DCAF7: variants seen among roughly 807,000 people sequenced by gnomAD.
DCAF7 encodes the protein DDB1- and CUL4-associated factor 7.
A neutral mutation model predicts 41.2 loss-of-function variants in DCAF7; 4 were observed. The ratio of observed to expected loss-of-function variants is 0.10; its 90% CI spans 0.05 to 0.22. DCAF7 has a LOEUF of 0.22. DCAF7 is among the 10% of genes least tolerant of loss of function. The pLI, the probability that DCAF7 is intolerant of heterozygous loss-of-function variation, is 1.00. For missense variants in DCAF7, 131 were observed against 443.2 expected (o/e 0.30, Z 6.32); for synonymous variants, 143 against 164.2 (o/e 0.87, Z 0.99).
intron 1 of DCAF7, among the ~76,000 whole-genome samples, chr17:63,552,919 C>G (rs1256879088): frequency 6.6e-6 from 1 of 152,234 alleles, no homozygotes; most frequent in African/African-American, 2.4e-5. Flanking sequence ...TAGCAGTTAA[C>G]TATATCTTAA....
rs898282890 is a variant in DCAF7, at chr17:63,594,195, T to C, written c.*5023T>C. ...AAACCTAATTTTCACCCTTTCATTC[T>C]GTTTCAGCCTCCTGTATAAGAAGTA... On this transcript the variant is annotated 3_prime_UTR_variant, in exon 7 of 7. Coordinates refer to ENST00000614556, the MANE Select transcript of DCAF7 (RefSeq NM_005828.5). 6.6e-6 allele frequency: 1 copy of C among 152,662 alleles called. No homozygotes were observed. The highest frequency in any genetic ancestry group is 2.4e-5 in the African/African-American group (1 of 41,476). 9.5% of individuals were successfully genotyped at this position (152,662 alleles called of 1,614,324 possible). A position where few individuals can be genotyped will look rare whatever the true frequency, so the allele number is the denominator to read the frequency against.
chr17:63,554,273 C>G (rs1301057857), intron 1 of DCAF7, among the ~76,000 whole-genome samples: 2 of 152,200 alleles, frequency 1.3e-5, no homozygotes, highest in Non-Finnish European at 2.9e-5. Flanking sequence ...AGGGATACAG[C>G]AAGATTGGTG....
chr17:63,588,296 T>C (rs1208559589), intron 6 of DCAF7, among the ~76,000 whole-genome samples: 2 of 150,600 alleles, frequency 1.3e-5, no homozygotes, highest in East Asian at 3.9e-4. Flanking sequence ...AAAGCGATTC[T>C]CCTGCCTCAG....
intron 1 of DCAF7, chr17:63,573,275 A>G (rs1326187874): frequency 6.6e-6 from 1 of 152,174 alleles, no homozygotes. Flanking sequence ...TTTCCATGTC[A>G]TCCTTGTGCA....
At position 63,583,576 on chromosome 17, in the gene DCAF7, G is replaced by A; in HGVS notation, c.603G>A (p.Val201=). The stretch of plus-strand genomic sequence containing the variant: ...CCTCTGTGGGTGCTGATGGCTCGGT[G>A]CGGATGTTTGACCTCCGCCATCTAG... ...MFASVGADGS[V]RMFDLRHLEH... is the part of the protein sequence containing the mutation. Residue 201 remains valine, a synonymous_variant, in exon 5 of 7, where the codon GTG becomes GTA. Coordinates refer to ENST00000614556, the MANE Select transcript of DCAF7 (RefSeq NM_005828.5). 1 of 1,613,902 alleles carries A rather than the reference G, an allele frequency of 6.2e-7. No homozygotes were observed. The highest frequency in any genetic ancestry group is 1.1e-5 in the South Asian group (1 of 91,066).
At chr17:63,563,963 T>G (rs956645394) in intron 1 of DCAF7, among the ~76,000 whole-genome samples, 15 of 152,208 alleles carry the variant, frequency 9.9e-5, no homozygotes, top group African/African-American at 3.1e-4. Flanking sequence ...TGTCCATTAT[T>G]TTGTCAAATT....
At chr17:63,554,815 ATG>A (rs577446619) in intron 1 of DCAF7, among the ~76,000 whole-genome samples, 1 of 152,230 alleles carries the variant, frequency 6.6e-6, no homozygotes, top group Non-Finnish European at 1.5e-5. Flanking sequence ...AGAGAATTAT[ATG>A]GCTGTTTAGT....
At chr17:63,557,204 A>G (rs550936985) in intron 1 of DCAF7, among the ~76,000 whole-genome samples, 1 of 152,342 alleles carries the variant, frequency 6.6e-6, no homozygotes, top group African/African-American at 2.4e-5. Context: ...AAAGAACTTA[A>G]GAAAATACAG....
At chr17:63,579,783 A>G (rs745788490) in intron 3 of DCAF7, 42 bp from the exon 4 acceptor site, 12 of 1,521,304 alleles carry the variant, frequency 7.9e-6, no homozygotes, top group Non-Finnish European at 1.0e-5. Flanking sequence ...TTGCATGAGA[A>G]CCTTGGTCCC....
chr17:63,552,907 A>C (rs73332064), intron 1 of DCAF7, among the ~76,000 whole-genome samples: 1,816 of 152,354 alleles, frequency 0.012, 36 homozygotes, highest in African/African-American at 0.042. Context: ...TATCAACAGC[A>C]TTAGCAGTTA....
rs1394150349 is a variant in DCAF7 at position 63,550,725 on chromosome 17, C to G, written c.48C>G (p.Pro16=). Residue 16 remains proline, a synonymous_variant, in exon 1 of 7, where the codon CCC becomes CCG. Coordinates refer to ENST00000614556, the MANE Select transcript of DCAF7 (RefSeq NM_005828.5). The surrounding 1 kb of genome is among the most constrained non-coding windows in gnomAD (Gnocchi z 4.8). ...AGGAGATCTACAAGTATGAAGCGCC[C>G]TGGACAGTCTACGCGATGAACTGGA... is the stretch of plus-strand genomic sequence containing the variant. The part of the protein sequence containing the change: ...KRKEIYKYEA[P]WTVYAMNWSV... 1.2e-6 allele frequency: 2 copies of G among 1,613,934 alleles called. No homozygotes were observed. The highest frequency in any genetic ancestry group is 1.7e-6 in the Non-Finnish European group (2 of 1,179,840).
chr17:63,587,583 C>T (rs1207100961), intron 6 of DCAF7, among the ~76,000 whole-genome samples: 1 of 152,104 alleles, frequency 6.6e-6, no homozygotes, highest in East Asian at 1.9e-4. Flanking sequence ...AGGTGCAATT[C>T]CCTGACCTCT....
rs1472443433 is a variant in DCAF7, at chr17:63,592,283, T to TA, written c.*3112dup. 6.6e-6 allele frequency: 1 copy of TA among 152,082 alleles called. No homozygotes were observed. The highest frequency in any genetic ancestry group is 1.5e-5 in the Non-Finnish European group (1 of 68,074). 9.4% of individuals were successfully genotyped at this position (152,082 alleles called of 1,614,324 possible). A position where few individuals can be genotyped will look rare whatever the true frequency, so the allele number is the denominator to read the frequency against. On this transcript the variant is annotated 3_prime_UTR_variant, in exon 7 of 7. Transcript: ENST00000614556. ...AGCCGGGGGTGGTGGCGGGTACCTG[T>TA]AGTCCTAGCTACTTGGGAGGCTGAG...
intron 6 of DCAF7, among the ~76,000 whole-genome samples, chr17:63,587,164 A>T (rs1264767775): frequency 2.0e-5 from 3 of 151,846 alleles, no homozygotes; most frequent in Non-Finnish European, 4.4e-5. Flanking sequence ...GAAGCAATGT[A>T]CTCTGGTGTT....
chr17:63,570,913 C>T (rs185778085), intron 1 of DCAF7, among the ~76,000 whole-genome samples: 25 of 152,098 alleles, frequency 1.6e-4, no homozygotes, highest in Admixed American at 1.2e-3. Flanking sequence ...TGGCCAGGCA[C>T]GGTGGCTCAT....
At chr17:63,563,261 C>T (rs2147763672) in intron 1 of DCAF7, among the ~76,000 whole-genome samples, 1 of 152,234 alleles carries the variant, frequency 6.6e-6, no homozygotes, top group Middle Eastern at 3.4e-3. Flanking sequence ...AAATGCTGAA[C>T]CTCACAGGTA....
chr17:63,579,543 A>C, intron 3 of DCAF7, 95 bp downstream of exon 3: 2 of 900,604 alleles, frequency 2.2e-6, no homozygotes, highest in Non-Finnish European at 3.5e-6. Context: ...AACAAGGCTC[A>C]GTGGGAAGTA....
At chr17:63,588,290 C>T (rs1275489195) in intron 6 of DCAF7, among the ~76,000 whole-genome samples, 12 of 149,006 alleles carry the variant, frequency 8.1e-5, no homozygotes, top group Admixed American at 6.0e-4. Context: ...CGAGTTAAAG[C>T]GATTCTCCTG....
chr17:63,552,067 G>C lies in DCAF7; in HGVS notation c.138+1252G>C, dbSNP rs934712174. Among the ~76,000 whole-genome samples the C allele has an allele frequency of 3.3e-5, 5 of 151,992 alleles. No individual in the cohort carries two copies. The South Asian group carries it at 1.0e-3, about 32-fold the overall frequency. The stretch of plus-strand genomic sequence containing the variant: ...CACTCCAGCCTGGGCGACAGAGTGA[G>C]ACTCTGTCTCAGAAAAAAAAAGAAG... On this transcript the variant is annotated intron_variant, in intron 1 of 6. Transcript: ENST00000614556.
Sources: gnomAD v4.1 joint callset for allele counts (sites outside exome capture counted in the v4.1 genomes callset) on GRCh38, gnomAD v4.1.1 for gene constraint, Gnocchi (gnomAD v3.1) non-coding constraint, MANE v1.5 for transcripts, NCBI Gene and HGNC (gene_info 2026-07-23, HGNC 2026-07-21) for gene names.